Variants in IL1RAPL1 observed in about 807,000 individuals in gnomAD.
IL1RAPL1 encodes the protein interleukin-1 receptor accessory protein-like 1.
IL1RAPL1 carries 3 observed loss-of-function variants against 48.4 expected under a neutral mutation model. The ratio of observed to expected loss-of-function variants is 0.06; its 90% confidence interval spans 0.03 to 0.16. The LOEUF is 0.16. IL1RAPL1 is among the 10% of genes least tolerant of loss of function. The pLI, the probability that IL1RAPL1 is intolerant of heterozygous loss-of-function variation, is 1.00. For synonymous variants in IL1RAPL1, 185 were observed against 187.7 expected (o/e 0.99, Z 0.12); for missense variants, 349 against 530.6 (o/e 0.66, Z 3.36).
At chrX:29,688,733 T>TCTCTCTCC (rs59602608) in intron 6 of IL1RAPL1, among the ~76,000 whole-genome samples, 15 of 80,908 alleles carry the variant, frequency 1.9e-4, no homozygotes, top group East Asian at 7.4e-4. Context: ...GTTGCTTCTC[T>TCTCTCTCC]CTCTCTCTCT....
At chrX:28,844,003 G>C (rs934580764) in intron 2 of IL1RAPL1, among the ~76,000 whole-genome samples, 6 of 109,103 alleles carry the variant, frequency 5.5e-5, no homozygotes, top group African/African-American at 2.0e-4. Context: ...TTTCGCTATT[G>C]AGCTCCCTGC....
intron 1 of IL1RAPL1, among the ~76,000 whole-genome samples, chrX:28,734,393 G>A (rs1164041230): frequency 2.7e-5 from 3 of 110,945 alleles, no homozygotes; most frequent in Non-Finnish European, 5.7e-5. Context: ...TGTAATTTGT[G>A]TTACTCTAGC....
At chrX:29,373,361 AAG>A (rs1258936071) in intron 3 of IL1RAPL1, among the ~76,000 whole-genome samples, 2 of 112,011 alleles carry the variant, frequency 1.8e-5, no homozygotes, top group African/African-American at 3.2e-5. Flanking sequence ...ATCATCAGAA[AAG>A]AGAGAGAGTT....
intron 3 of IL1RAPL1, among the ~76,000 whole-genome samples, chrX:29,315,159 G>C (rs1414990873): frequency 8.9e-6 from 1 of 111,799 alleles, no homozygotes; most frequent in South Asian, 3.7e-4. Context: ...TTCCATGCTG[G>C]GTTCCAGATA....
chrX:28,746,766 C>T (rs1199535881), intron 1 of IL1RAPL1, among the ~76,000 whole-genome samples: 1 of 111,365 alleles, frequency 9.0e-6, no homozygotes, highest in Non-Finnish European at 1.9e-5. Context: ...GATGAATCAC[C>T]TTAATTAATA....
chrX:28,790,307 T>C (rs190445303), intron 2 of IL1RAPL1, among the ~76,000 whole-genome samples: 12 of 112,678 alleles, frequency 1.1e-4, no homozygotes, highest in Admixed American at 2.8e-4. Flanking sequence ...TGTTGTGATA[T>C]AAGCAATTGC....
intron 1 of IL1RAPL1, among the ~76,000 whole-genome samples, chrX:28,655,567 T>C (rs1467120534): frequency 3.6e-5 from 4 of 111,547 alleles, no homozygotes; most frequent in Non-Finnish European, 7.5e-5. Flanking sequence ...TAGTAGATCA[T>C]TAAAAAAATA....
chrX:29,080,737 G>A (rs1927784050), intron 2 of IL1RAPL1, among the ~76,000 whole-genome samples: 1 of 105,506 alleles, frequency 9.5e-6, no homozygotes, highest in South Asian at 4.2e-4. Context: ...ATTCTTCCAA[G>A]CAAATACTTT....
intron 1 of IL1RAPL1, among the ~76,000 whole-genome samples, chrX:28,664,234 C>G (rs1934851339): frequency 8.9e-6 from 1 of 111,771 alleles, no homozygotes; most frequent in East Asian, 2.8e-4. Flanking sequence ...TGTAACTGTC[C>G]CCGAAAATTC....
chrX:29,868,518 A>G (rs1314716563), intron 6 of IL1RAPL1, among the ~76,000 whole-genome samples: 1 of 111,997 alleles, frequency 8.9e-6, no homozygotes, highest in Non-Finnish European at 1.9e-5. Flanking sequence ...CCCTGCTCTA[A>G]TGCTTAACAC....
chrX:29,345,852 A>C (rs1030397396), intron 3 of IL1RAPL1, among the ~76,000 whole-genome samples: 1 of 111,967 alleles, frequency 8.9e-6, no homozygotes, highest in Non-Finnish European at 1.9e-5. Flanking sequence ...TTAATTATTA[A>C]ATCACCTTAC....
intron 5 of IL1RAPL1, among the ~76,000 whole-genome samples, chrX:29,608,632 C>G (rs1050573681): frequency 1.9e-5 from 2 of 107,511 alleles, no homozygotes; most frequent in African/African-American, 6.9e-5. Context: ...CGAGACCATC[C>G]TGGCTAACAC....
intron 5 of IL1RAPL1, among the ~76,000 whole-genome samples, chrX:29,417,707 T>C (rs980194836): frequency 1.8e-5 from 2 of 111,627 alleles, no homozygotes; most frequent in Non-Finnish European, 3.8e-5. Context: ...TTTGTGAATA[T>C]TATTTTTAAA....
chrX:29,382,944 A>T (rs753435497), intron 3 of IL1RAPL1, among the ~76,000 whole-genome samples: 1 of 112,074 alleles, frequency 8.9e-6, no homozygotes, highest in Non-Finnish European at 1.9e-5. Flanking sequence ...ATTAAATAGG[A>T]AGAGTTATGT....
chrX:29,526,732 A>G, intron 5 of IL1RAPL1, among the ~76,000 whole-genome samples: 1 of 112,514 alleles, frequency 8.9e-6, no homozygotes, highest in Middle Eastern at 4.6e-3. Context: ...ATAAGAAATT[A>G]TAAAGCCTTT....
Position 29,644,704 on chromosome X carries a change from C to T in IL1RAPL1, c.704-23726C>T, listed in dbSNP as rs540769182. The stretch of plus-strand genomic sequence containing the variant: ...GCCTCAGCCTCCTGAGTAGCTGGGA[C>T]TACAGGCATGCGCCACCTTGCCTGG... On this transcript the variant is annotated intron_variant, in intron 5 of 10. Coordinates refer to ENST00000378993, the MANE Select transcript of IL1RAPL1 (RefSeq NM_014271.4). Among the ~76,000 whole-genome samples the T allele has an allele frequency of 7.2e-5, 8 of 111,814 alleles. No homozygotes were observed. The South Asian group carries it at 3.0e-3, about 42-fold the overall frequency.
chrX:28,881,475 G>T (rs1922500733), intron 2 of IL1RAPL1, among the ~76,000 whole-genome samples: 1 of 111,535 alleles, frequency 9.0e-6, no homozygotes, highest in Non-Finnish European at 1.9e-5. Flanking sequence ...TGTCTTATTT[G>T]TCTAGTTTGA....
At chrX:29,498,250 T>C (rs898330353) in intron 5 of IL1RAPL1, among the ~76,000 whole-genome samples, 4 of 111,893 alleles carry the variant, frequency 3.6e-5, no homozygotes, top group Non-Finnish European at 5.6e-5. Flanking sequence ...CAAGTTCTAT[T>C]CTTCCTCACT....
chrX:29,600,540 G>A (rs953291635), intron 5 of IL1RAPL1, among the ~76,000 whole-genome samples: 5 of 112,137 alleles, frequency 4.5e-5, no homozygotes, highest in African/African-American at 1.6e-4. Context: ...TGCATCAGCT[G>A]TGGTAATATA....
Sources: allele counts gnomAD v4.1 joint callset (sites outside exome capture counted in the v4.1 genomes callset), GRCh38; gene constraint gnomAD v4.1.1; transcripts MANE v1.5; gene names NCBI Gene and HGNC (gene_info 2026-07-23, HGNC 2026-07-21).